DOP1B: variants seen among roughly 807,000 people sequenced by gnomAD.
DOP1B encodes protein DOP1B.
A neutral mutation model predicts 233.5 loss-of-function variants in DOP1B; 174 were observed. That is an observed-to-expected ratio of 0.75 (90% confidence interval 0.66 to 0.85). DOP1B has a LOEUF of 0.85. DOP1B is among the 40% of genes least tolerant of loss of function. The pLI, the probability that DOP1B is intolerant of heterozygous loss-of-function variation, is 0.00. For missense variants in DOP1B, 2,652 were observed against 2,846.6 expected (o/e 0.93, Z 1.56); for synonymous variants, 1,190 against 1,185.6 (o/e 1.00, Z -0.08).
intron 13 of DOP1B, among the ~76,000 whole-genome samples, chr21:36,228,385 C>T (rs921509005): frequency 6.6e-6 from 1 of 151,946 alleles, no homozygotes; most frequent in Non-Finnish European, 1.5e-5. Context: ...ATCTCTTGAA[C>T]CTGGGAGGCG....
intron 2 of DOP1B, among the ~76,000 whole-genome samples, chr21:36,166,622 T>C (rs2835291): frequency 0.35 from 53,943 of 152,040 alleles, 10,850 homozygotes; most frequent in Non-Finnish European, 0.45. Flanking sequence ...GTAGATGATA[T>C]CTGGGCTTAG....
chr21:36,170,513 T>C (rs2065962175), intron 2 of DOP1B: 1 of 157,362 alleles, frequency 6.4e-6, no homozygotes. Context: ...GGAGAATTGC[T>C]TGAACCCGGG....
At position 36,211,985 on chromosome 21, in the gene DOP1B, G is replaced by C; in HGVS notation, c.792G>C (p.Glu264Asp). The C allele has an allele frequency of 6.2e-7, 1 of 1,613,944 alleles. No homozygotes were observed. The highest frequency in any genetic ancestry group is 8.5e-7 in the Non-Finnish European group (1 of 1,180,006). The change falls in exon 7 of 37, where the codon GAG (glutamate) becomes GAC (aspartate). Residue 264 changes from glutamate to aspartate, a missense_variant. This residue lies in a region of DOP1B where 2,617 missense variants were observed against 2,794.3 expected (regional missense o/e 0.94). Coordinates refer to ENST00000691173, the MANE Select transcript of DOP1B (RefSeq NM_001320714.2). The part of the protein sequence containing the change: ...FPFYTCLDSN[E>D]RAIPLLRSDI... ...TGTCCTTCTAATAGGATTCCAATGA[G>C]AGAGCCATCCCCCTCCTCAGATCTG...
intron 12 of DOP1B, among the ~76,000 whole-genome samples, chr21:36,227,321 A>G (rs569924258): frequency 6.9e-4 from 104 of 151,792 alleles, no homozygotes; most frequent in East Asian, 2.0e-3. Flanking sequence ...GCCAAGGTGG[A>G]TGGATCACAA....
chr21:36,221,528 C>G (rs188519532), intron 10 of DOP1B, among the ~76,000 whole-genome samples: 19 of 151,966 alleles, frequency 1.3e-4, no homozygotes, highest in Admixed American at 4.6e-4. Context: ...TCCTGACTGA[C>G]CAATTTCTTA....
At chr21:36,170,521 G>A (rs565337366) in intron 2 of DOP1B, 16 of 156,642 alleles carry the variant, frequency 1.0e-4, no homozygotes, top group East Asian at 7.7e-4. Context: ...GCTTGAACCC[G>A]GGAGGCAGAG....
intron 9 of DOP1B, 114 bp from the exon 10 acceptor site, chr21:36,219,258 A>G: frequency 7.4e-7 from 1 of 1,348,702 alleles, no homozygotes; most frequent in Non-Finnish European, 1.0e-6. Flanking sequence ...AGACTATATA[A>G]AATGTCTGTC....
chr21:36,190,365 ACATGG>A (rs2066217909), intron 2 of DOP1B, among the ~76,000 whole-genome samples: 1 of 151,592 alleles, frequency 6.6e-6, no homozygotes, highest in African/African-American at 2.4e-5. Context: ...GATTTTGAAA[ACATGG>A]CCATTTTTCC....
At chr21:36,225,492 A>C in intron 11 of DOP1B, 73 bp from the exon 12 acceptor site, 1 of 1,552,618 alleles carries the variant, frequency 6.4e-7, no homozygotes, top group Non-Finnish European at 8.9e-7. Flanking sequence ...CGGCCTCCCA[A>C]AGTGTTAAGA....
Position 36,278,061 on chromosome 21 carries a change from T to A in DOP1B, c.5799T>A (p.Val1933=), listed in dbSNP as rs746535694. The stretch of plus-strand genomic sequence containing the variant: ...TAATCTCCCGTCTGCTTTACTATGT[T>A]TTTCCATACTTACGCAACCACAGGT... ...VPLISRLLYY[V]FPYLRNHSAY... Residue 1933 remains valine, a synonymous_variant, in exon 29 of 37, where the codon GTT becomes GTA. Coordinates refer to ENST00000691173, the MANE Select transcript of DOP1B (RefSeq NM_001320714.2). 80 of 1,614,186 alleles carry A rather than the reference T, an allele frequency of 5.0e-5. No individual in the cohort carries two copies. The highest frequency in any genetic ancestry group is 6.7e-5 in the Non-Finnish European group (79 of 1,180,028).
At chr21:36,288,885 T>G (rs2067520033) in intron 34 of DOP1B, 74 bp downstream of exon 34, 5 of 1,459,722 alleles carry the variant, frequency 3.4e-6, no homozygotes, top group Non-Finnish European at 3.8e-6. Context: ...GATATAGAGT[T>G]GTCTAATGTT....
intron 1 of DOP1B, among the ~76,000 whole-genome samples, chr21:36,160,581 T>A (rs1964179): frequency 2.0e-5 from 3 of 151,154 alleles, no homozygotes; most frequent in Non-Finnish European, 4.4e-5. Flanking sequence ...AGGTTCAAAC[T>A]ATTCTCCTGC....
chr21:36,182,461 G>A (rs2066110833), intron 2 of DOP1B, among the ~76,000 whole-genome samples: 1 of 152,116 alleles, frequency 6.6e-6, no homozygotes, highest in Admixed American at 6.6e-5. Context: ...GCTGCAGGGT[G>A]GCTTCTGGAA....
chr21:36,164,697 T>G lies in DOP1B; in HGVS notation c.-26-11T>G. The G allele has an allele frequency of 6.5e-7, 1 of 1,527,160 alleles. No homozygotes were observed. Among genetic ancestry groups the G allele is most frequent in the Non-Finnish European group, 8.8e-7 (1 of 1,138,034 alleles). 94.6% of individuals were successfully genotyped at this position (1,527,160 alleles called of 1,614,324 possible). ...GCTCTCTCATTTGGTTATTTTTTGA[T>G]TTGCTTTTAGATACTTTTCTGCTGT... On this transcript the variant is annotated splice_polypyrimidine_tract_variant and intron_variant, in intron 1 of 36. Coordinates refer to ENST00000691173, the MANE Select transcript of DOP1B (RefSeq NM_001320714.2).
intron 13 of DOP1B, 46 bp downstream of exon 13, chr21:36,227,923 C>G (rs570347884): frequency 6.1e-6 from 9 of 1,487,050 alleles, no homozygotes; most frequent in Non-Finnish European, 7.2e-6. Context: ...CTAAAAGCAG[C>G]TTATGCCTTC....
rs2066873002 is a variant in DOP1B, at chr21:36,239,855, C to T, written c.2967C>T (p.Leu989=). ...GCTGGCTGGTGCGTGCGCTCTCCCT[C>T]GGGGACGTGGCTCGCATCCTCGAAC... ...AQGWLVRALS[L]GDVARILEPV... is the part of the protein sequence containing the mutation. The change falls in exon 18 of 37, where the codon CTC becomes CTT. Residue 989 remains leucine, a synonymous_variant. Coordinates refer to ENST00000691173, the MANE Select transcript of DOP1B (RefSeq NM_001320714.2). 6 of 1,592,276 alleles carry T rather than the reference C, an allele frequency of 3.8e-6. No homozygotes were observed. The highest frequency in any genetic ancestry group is 2.3e-5 in the East Asian group (1 of 43,706).
At chr21:36,216,295 G>A (rs563454078) in intron 9 of DOP1B, among the ~76,000 whole-genome samples, 2 of 102,720 alleles carry the variant, frequency 1.9e-5, no homozygotes, top group East Asian at 6.4e-4. Context: ...TGGCGACAGA[G>A]CAAGACTCCA....
Position 36,292,126 on chromosome 21 carries a change from G to A in DOP1B, c.6538G>A (p.Glu2180Lys). 1 of 1,609,656 alleles carries A rather than the reference G, an allele frequency of 6.2e-7. No homozygotes were observed. The change falls in exon 36 of 37, where the codon GAA (glutamate) becomes AAA (lysine). Residue 2180 changes from glutamate to lysine, a missense_variant. By Grantham distance (56) the Glu-to-Lys change is moderately conservative. Around this residue, in one of 3 missense-constraint regions of DOP1B, gnomAD observed 2,617 missense variants for 2,794.3 expected, o/e 0.94. Transcript: ENST00000691173. ...FQIYRWAFIP[E>K]VDTEGPAFLS... ...CAGTTATAGGTGGGCATTTATTCCA[G>A]AAGTGGACACAGAGGGCCCTGCCTT... is the stretch of plus-strand genomic sequence containing the variant.
intron 2 of DOP1B, among the ~76,000 whole-genome samples, chr21:36,191,057 G>A (rs2066228083): frequency 6.6e-6 from 1 of 152,140 alleles, no homozygotes; most frequent in African/African-American, 2.4e-5. Flanking sequence ...TCCTAGATGA[G>A]AGTTAGAAGG....
Sources: gnomAD v4.1 joint callset for allele counts (sites outside exome capture counted in the v4.1 genomes callset) on GRCh38, gnomAD v4.1.1 for gene constraint, gnomAD v4.1.1 regional missense constraint, MANE v1.5 for transcripts, NCBI Gene and HGNC (gene_info 2026-07-23, HGNC 2026-07-21) for gene names.